Variants in ADGRL3 observed in about 807,000 individuals in gnomAD.
ADGRL3 encodes calcium-independent alpha-latrotoxin receptor 3.
In ADGRL3, 62 loss-of-function variants were observed where a neutral mutation model predicts 153.5. The ratio of observed to expected loss-of-function variants is 0.40; its 90% CI spans 0.33 to 0.50. The LOEUF (loss-of-function observed/expected upper bound fraction) is 0.50. Ranked by LOEUF, ADGRL3 falls within the 20% of genes least tolerant of loss-of-function variation. The pLI, the probability that ADGRL3 is intolerant of heterozygous loss-of-function variation, is 0.47. For synonymous variants in ADGRL3, 710 were observed against 672.5 expected (o/e 1.06, Z -0.86); for missense variants, 1,641 against 1,859.4 (o/e 0.88, Z 2.16).
chr4:61,875,987 C>G (rs933379045), intron 9 of ADGRL3, among the ~76,000 whole-genome samples: 4 of 151,870 alleles, frequency 2.6e-5, no homozygotes, highest in African/African-American at 9.7e-5. Flanking sequence ...ACAGTTCAAG[C>G]CCAGCCCAGG....
intron 2 of ADGRL3, among the ~76,000 whole-genome samples, chr4:61,425,014 T>C (rs1245223170): frequency 1.3e-5 from 2 of 152,130 alleles, no homozygotes; most frequent in Non-Finnish European, 1.5e-5. Context: ...GGCCATTCCA[T>C]GTCTCCACAG....
intron 1 of ADGRL3, among the ~76,000 whole-genome samples, chr4:61,366,291 C>T (rs887045962): frequency 3.9e-5 from 6 of 152,148 alleles, no homozygotes; most frequent in Non-Finnish European, 1.5e-5. Context: ...ATTTGGCTGG[C>T]TTTACCATCA....
chr4:61,886,222 G>A (rs1485399793), intron 9 of ADGRL3, among the ~76,000 whole-genome samples: 3 of 152,120 alleles, frequency 2.0e-5, no homozygotes, highest in Non-Finnish European at 4.4e-5. Context: ...AAAACTAGAT[G>A]TAATCAAATC....
intron 3 of ADGRL3, among the ~76,000 whole-genome samples, chr4:61,504,719 AT>A (rs879491552): frequency 4.6e-5 from 7 of 151,664 alleles, no homozygotes; most frequent in Non-Finnish European, 1.0e-4. Flanking sequence ...TTAGTTTAAT[AT>A]TTTTTTTATT....
At chr4:61,418,179 T>G (rs2097165112) in intron 2 of ADGRL3, among the ~76,000 whole-genome samples, 1 of 152,302 alleles carries the variant, frequency 6.6e-6, no homozygotes, top group African/African-American at 2.4e-5. Flanking sequence ...ATTTTGGAAA[T>G]TTTGCTCAAC....
chr4:61,536,361 T>A (rs1698799677), intron 4 of ADGRL3, among the ~76,000 whole-genome samples: 1 of 152,122 alleles, frequency 6.6e-6, no homozygotes, highest in Admixed American at 6.5e-5. Context: ...ATTCTACATT[T>A]GTTGGGTAGA....
At chr4:62,053,304 T>C (rs1055349381) in intron 25 of ADGRL3, among the ~76,000 whole-genome samples, 1 of 151,468 alleles carries the variant, frequency 6.6e-6, no homozygotes, top group East Asian at 1.9e-4. Context: ...AATAATTGGG[T>C]AGTATTTGAT....
intron 5 of ADGRL3, among the ~76,000 whole-genome samples, chr4:61,660,053 C>T (rs1417025582): frequency 6.6e-6 from 1 of 152,174 alleles, no homozygotes; most frequent in Non-Finnish European, 1.5e-5. Flanking sequence ...GTGTGGAACA[C>T]ACCTTAACCA....
At chr4:61,724,903 T>C (rs1000397058) in intron 6 of ADGRL3, among the ~76,000 whole-genome samples, 1 of 152,208 alleles carries the variant, frequency 6.6e-6, no homozygotes, top group South Asian at 2.1e-4. Flanking sequence ...TTTCCAGTTA[T>C]AAGAGAAATC....
chr4:61,805,097 A>T (rs1026169541), intron 8 of ADGRL3, among the ~76,000 whole-genome samples: 1 of 151,868 alleles, frequency 6.6e-6, no homozygotes, highest in Non-Finnish European at 1.5e-5. Flanking sequence ...CTGGGACTAC[A>T]GGTGCATGCC....
At chr4:61,430,249 C>T (rs937596872) in intron 2 of ADGRL3, among the ~76,000 whole-genome samples, 1 of 152,100 alleles carries the variant, frequency 6.6e-6, no homozygotes, top group Non-Finnish European at 1.5e-5. Context: ...AATCAACCAA[C>T]CTTGTCAAAT....
chr4:61,494,814 G>C (rs910446459), intron 2 of ADGRL3, among the ~76,000 whole-genome samples: 2 of 151,798 alleles, frequency 1.3e-5, no homozygotes, highest in East Asian at 1.9e-4. Flanking sequence ...TCCATATTTA[G>C]TACTGTAGGA....
intron 1 of ADGRL3, among the ~76,000 whole-genome samples, chr4:61,368,389 T>G (rs1221511935): frequency 5.3e-5 from 8 of 152,230 alleles, no homozygotes; most frequent in African/African-American, 4.8e-5. Context: ...TAATCCATCT[T>G]GAATTGATTT....
intron 21 of ADGRL3, among the ~76,000 whole-genome samples, chr4:62,028,150 T>C (rs1719895603): frequency 6.6e-6 from 1 of 151,810 alleles, no homozygotes; most frequent in Non-Finnish European, 1.5e-5. Flanking sequence ...TTTATAAAAA[T>C]TGATCCAAAA....
chr4:61,348,959 A>T (rs947942645), intron 1 of ADGRL3, among the ~76,000 whole-genome samples: 9 of 152,122 alleles, frequency 5.9e-5, no homozygotes, highest in Admixed American at 3.3e-4. Context: ...TAAAACTATT[A>T]TTTTAACTGA....
chr4:61,979,113 C>T (rs534321513), intron 17 of ADGRL3, among the ~76,000 whole-genome samples: 43 of 152,204 alleles, frequency 2.8e-4, no homozygotes, highest in African/African-American at 1.0e-3. Context: ...AATTTTAAAA[C>T]TCCTTAGATG....
At position 61,797,822 on chromosome 4, in the gene ADGRL3, A is replaced by G. The variant is rs533264981; in HGVS notation, c.1400-15987A>G. Among the ~76,000 whole-genome samples the G allele has an allele frequency of 3.3e-5, 5 of 152,294 alleles. No individual in the cohort carries two copies. The South Asian group carries it at 6.2e-4, about 19-fold the overall frequency. On this transcript the variant is annotated intron_variant, in intron 8 of 26. Transcript: ENST00000683033. ...TTTCTCCTTCATGTTCAACTTGTGT[A>G]TCAGGATCTATGTCATTATCAATGT...
At chr4:61,896,892 A>G (rs1200083007) in intron 11 of ADGRL3, among the ~76,000 whole-genome samples, 1 of 152,188 alleles carries the variant, frequency 6.6e-6, no homozygotes, top group East Asian at 1.9e-4. Flanking sequence ...GATCAGTAGC[A>G]TATCTCCCTA....
chr4:61,559,506 T>A (rs986539716), intron 4 of ADGRL3, among the ~76,000 whole-genome samples: 37 of 152,230 alleles, frequency 2.4e-4, no homozygotes, highest in East Asian at 3.9e-4. Flanking sequence ...TTTAGTATGA[T>A]TAGCCTGAAT....
Sources: allele counts gnomAD v4.1 joint callset (sites outside exome capture counted in the v4.1 genomes callset), GRCh38; gene constraint gnomAD v4.1.1; transcripts MANE v1.5; gene names NCBI Gene and HGNC (gene_info 2026-07-23, HGNC 2026-07-21).